POPDC2: variants seen among roughly 807,000 people sequenced by gnomAD.
The protein encoded by POPDC2 is popeye domain cAMP effector 2.
Under a neutral mutation model 30.5 loss-of-function variants are expected in POPDC2, and 24 were observed. The ratio of observed to expected loss-of-function variants is 0.79; its 90% confidence interval spans 0.57 to 1.11. The LOEUF is 1.11. Ranked by LOEUF, POPDC2 falls within the 50% of genes least tolerant of loss-of-function variation. POPDC2 has a pLI of 0.00. For missense variants in POPDC2, 409 were observed against 447.0 expected (o/e 0.91, Z 0.77); for synonymous variants, 185 against 183.3 (o/e 1.01, Z -0.07).
intron 1 of POPDC2, 35 bp downstream of exon 1, chr3:119,659,898 G>T: frequency 6.5e-7 from 1 of 1,538,508 alleles, no homozygotes; most frequent in Non-Finnish European, 8.8e-7. Context: ...GTGGGCTGGG[G>T]AAAGAAATTC....
At chr3:119,659,265 G>A (rs1319685094) in intron 1 of POPDC2, among the ~76,000 whole-genome samples, 2 of 152,140 alleles carry the variant, frequency 1.3e-5, no homozygotes, top group Admixed American at 6.5e-5. Flanking sequence ...TTCTCCCATT[G>A]TTGGGCCCTC....
At chr3:119,647,646 C>T (rs2052760012) in intron 3 of POPDC2, among the ~76,000 whole-genome samples, 1 of 152,238 alleles carries the variant, frequency 6.6e-6, no homozygotes. Flanking sequence ...CTCATAATCA[C>T]AATCCTCTTT....
At chr3:119,644,517 G>A (rs1264875472) in intron 3 of POPDC2, among the ~76,000 whole-genome samples, 2 of 152,202 alleles carry the variant, frequency 1.3e-5, no homozygotes, top group Non-Finnish European at 2.9e-5. Context: ...ATTAAGAGAA[G>A]CAGCACCCAT....
At chr3:119,645,442 G>C (rs546719538) in intron 3 of POPDC2, among the ~76,000 whole-genome samples, 1 of 152,168 alleles carries the variant, frequency 6.6e-6, no homozygotes, top group African/African-American at 2.4e-5. Flanking sequence ...GGCGCCTATA[G>C]TCCCAGCTAC....
intron 3 of POPDC2, among the ~76,000 whole-genome samples, chr3:119,647,301 T>C (rs1057499092): frequency 1.3e-5 from 2 of 151,932 alleles, no homozygotes; most frequent in Non-Finnish European, 2.9e-5. Flanking sequence ...TGGGTGGAGT[T>C]ACAGAGAAAA....
chr3:119,653,148 T>C (rs1056930924), intron 2 of POPDC2, among the ~76,000 whole-genome samples: 2 of 152,218 alleles, frequency 1.3e-5, no homozygotes, highest in East Asian at 1.9e-4. Flanking sequence ...TCCAGGCAAC[T>C]TGGCTTTGTC....
intron 1 of POPDC2, among the ~76,000 whole-genome samples, 192 bp downstream of exon 1, chr3:119,659,741 G>C (rs1300178796): frequency 2.6e-5 from 4 of 152,042 alleles, no homozygotes; most frequent in Non-Finnish European, 4.4e-5. Flanking sequence ...GTTTCTTCTT[G>C]GAAAATGCCA....
intron 1 of POPDC2, among the ~76,000 whole-genome samples, chr3:119,658,665 G>A (rs79631453): frequency 0.02 from 3,064 of 152,238 alleles, 43 homozygotes; most frequent in Middle Eastern, 0.071. Context: ...ACAAATAATC[G>A]CATTGGTTTA....
At chr3:119,655,027 C>T (rs1316199000) in intron 1 of POPDC2, among the ~76,000 whole-genome samples, 1 of 152,112 alleles carries the variant, frequency 6.6e-6, no homozygotes, top group African/African-American at 2.4e-5. Flanking sequence ...GAAACTACTG[C>T]TTAAGAACTC....
chr3:119,654,436 G>A (rs1475432066), intron 2 of POPDC2, 69 bp downstream of exon 2: 2 of 1,048,370 alleles, frequency 1.9e-6, no homozygotes, highest in Admixed American at 1.7e-5. Context: ...GGGGAAACAT[G>A]GAGGCACGGA....
At position 119,657,618 on chromosome 3, in the gene POPDC2, A is replaced by G. The variant is rs571529186; in HGVS notation, c.491+2315T>C. Among the ~76,000 whole-genome samples, 9 of 152,358 alleles carry G rather than the reference A, an allele frequency of 5.9e-5. No homozygotes were observed. The South Asian group carries it at 1.9e-3, about 32-fold the overall frequency. ...CTTCCATAGCAAAGGAAGACAGCAG[A>G]AGAGAATGGCGCTGCTGCAGCATAT... On this transcript the variant is annotated intron_variant, in intron 1 of 3. Coordinates refer to ENST00000493094, the MANE Select transcript of POPDC2 (RefSeq NM_001369919.2).
At chr3:119,655,790 C>T (rs540876834) in intron 1 of POPDC2, among the ~76,000 whole-genome samples, 1 of 152,208 alleles carries the variant, frequency 6.6e-6, no homozygotes, top group Non-Finnish European at 1.5e-5. Flanking sequence ...AACTAAAATT[C>T]TATGTTCTTA....
At chr3:119,652,058 C>T (rs375445895) in intron 2 of POPDC2, among the ~76,000 whole-genome samples, 1 of 150,868 alleles carries the variant, frequency 6.6e-6, no homozygotes, top group African/African-American at 2.4e-5. Context: ...AAGTATTTAG[C>T]TTTTTTTTTA....
In POPDC2 at chr3:119,648,277, G is replaced by A; in HGVS notation, c.992C>T (p.Pro331Leu). 6.2e-7 allele frequency: 1 copy of A among 1,614,028 alleles called. No homozygotes were observed. Residue 331 changes from proline (P) to leucine (L), a missense_variant, in exon 3 of 4, where the codon CCA becomes CTA. Physicochemically the swap from Pro to Leu is moderately conservative, Grantham distance 98 (BLOSUM62 -3). Transcript: ENST00000493094. ...GTCCTCACCCAGTATGCCACTGTCTGGCCTGGACAACCTGGCCCGGGTAGG... is the reference window on the plus strand; with the variant it reads ...GTCCTCACCCAGTATGCCACTGTCTAGCCTGGACAACCTGGCCCGGGTAGG... The part of the protein sequence containing the change: ...APPTRARLSR[P>L]DSGILGEDST...
chr3:119,648,997 CT>C (rs1237803817), intron 2 of POPDC2, among the ~76,000 whole-genome samples: 1 of 152,210 alleles, frequency 6.6e-6, no homozygotes, highest in East Asian at 1.9e-4. Flanking sequence ...GCAGAAAGTT[CT>C]GAGTCTTATG....
In POPDC2 at chr3:119,659,858, T is replaced by C; in HGVS notation, c.491+75A>G. ...ACACGAAATGGAAAGGGACATGAAATGGAAAGGGACACACTAGGAAATGAG... is the reference window on the plus strand; with the variant it reads ...ACACGAAATGGAAAGGGACATGAAACGGAAAGGGACACACTAGGAAATGAG... On this transcript the variant is annotated intron_variant, in intron 1 of 3. Coordinates refer to ENST00000493094, the MANE Select transcript of POPDC2 (RefSeq NM_001369919.2). The C allele has an allele frequency of 5.4e-6, 8 of 1,472,822 alleles. No homozygotes were observed. In the South Asian group the frequency reaches 1.0e-4, roughly 19 times the overall value. The allele number at this position is 1,472,822 out of a possible 1,614,324, so 91.2% of individuals were successfully genotyped here.
intron 1 of POPDC2, among the ~76,000 whole-genome samples, chr3:119,659,168 C>T (rs13065893): frequency 0.44 from 67,045 of 152,090 alleles, 15,219 homozygotes; most frequent in South Asian, 0.58. Context: ...TGACTAAGAC[C>T]ATTTCTGCCC....
At chr3:119,653,412 T>G (rs540824949) in intron 2 of POPDC2, among the ~76,000 whole-genome samples, 1 of 151,448 alleles carries the variant, frequency 6.6e-6, no homozygotes, top group Non-Finnish European at 1.5e-5. Context: ...CATTGGAGCA[T>G]GTATGTGAAT....
chr3:119,652,183 C>T (rs2052819530), intron 2 of POPDC2, among the ~76,000 whole-genome samples: 1 of 152,104 alleles, frequency 6.6e-6, no homozygotes, highest in African/African-American at 2.4e-5. Context: ...TCTGTGTGAT[C>T]CCTCCTGTGC....
Sources: allele counts gnomAD v4.1 joint callset (sites outside exome capture counted in the v4.1 genomes callset), GRCh38; gene constraint gnomAD v4.1.1; transcripts MANE v1.5; gene names NCBI Gene and HGNC (gene_info 2026-07-23, HGNC 2026-07-21).